Variants in RPRD1B observed in about 807,000 individuals in gnomAD.
RPRD1B encodes regulation of nuclear pre-mRNA domain containing 1B.
A neutral mutation model predicts 41.5 loss-of-function variants in RPRD1B; 11 were observed. The observed-to-expected ratio is 0.27, with a 90% CI of 0.17 to 0.44. The LOEUF is 0.44. RPRD1B is among the 20% of genes least tolerant of loss of function. RPRD1B has a pLI of 1.00. For missense variants in RPRD1B, 248 were observed against 389.9 expected (o/e 0.64, Z 3.06); for synonymous variants, 158 against 155.6 (o/e 1.02, Z -0.12).
intron 2 of RPRD1B, 36 bp from the exon 3 acceptor site, chr20:38,048,312 T>A: frequency 6.3e-7 from 1 of 1,577,302 alleles, no homozygotes; most frequent in South Asian, 1.1e-5. Context: ...CAAAAAATCT[T>A]AAGCTTATAT....
intron 6 of RPRD1B, chr20:38,070,138 ACTTTT>A (rs1341028009): frequency 3.2e-6 from 3 of 929,858 alleles, no homozygotes; most frequent in Non-Finnish European, 3.8e-6. Context: ...CCTTTGTACT[ACTTTT>A]CTTTTTTCCT....
Position 38,040,434 on chromosome 20 carries a change from G to T in RPRD1B, c.152-1G>T. The T allele has an allele frequency of 6.4e-7, 1 of 1,573,784 alleles. No homozygotes were observed. Among genetic ancestry groups the T allele is most frequent in the Non-Finnish European group, 8.6e-7 (1 of 1,166,606 alleles). On this transcript the variant is annotated splice_acceptor_variant, in intron 1 of 6. Transcript: ENST00000373433. LOFTEE classifies it high-confidence loss of function. ...AAATTCTTTTCTTTTCTTTTTTTCA[G>T]CCAAATCAAATAGAAAGCTTACTTT...
intron 6 of RPRD1B, among the ~76,000 whole-genome samples, chr20:38,068,910 T>C (rs2074384842): frequency 6.6e-6 from 1 of 152,226 alleles, no homozygotes; most frequent in African/African-American, 2.4e-5. Flanking sequence ...TTACCCACTT[T>C]TTTAACATTC....
At position 38,040,523 on chromosome 20, in the gene RPRD1B, A is replaced by G; in HGVS notation, c.240A>G (p.Glu80=). The stretch of plus-strand genomic sequence containing the variant: ...GGAAAGGACCTGAATTCACTAGAGA[A>G]TTTGAATCTGTCCTTGTGGATGCTT... ...SKRKGPEFTR[E]FESVLVDAFS... Residue 80 remains glutamate (E), a synonymous_variant, in exon 2 of 7, where the codon GAA becomes GAG. Coordinates refer to ENST00000373433, the MANE Select transcript of RPRD1B (RefSeq NM_021215.4). The G allele has an allele frequency of 6.2e-7, 1 of 1,610,224 alleles. No homozygotes were observed. The highest frequency in any genetic ancestry group is 8.5e-7 in the Non-Finnish European group (1 of 1,178,640).
In RPRD1B at chr20:38,089,781, A is replaced by G. The variant is rs2074596636; in HGVS notation, c.887A>G (p.His296Arg). 2 of 1,614,170 alleles carry G rather than the reference A, an allele frequency of 1.2e-6. No homozygotes were observed. The highest frequency in any genetic ancestry group is 8.5e-7 in the Non-Finnish European group (1 of 1,180,014). ...VTQVRKELKS[H>R]IQSLPDLSLL... ...CAGGTCCGCAAGGAACTGAAATCCC[A>G]TATTCAGAGCTTGCCAGACCTCTCA... Residue 296 changes from histidine to arginine, a missense_variant, in exon 7 of 7, where the codon CAT becomes CGT. Transcript: ENST00000373433.
In RPRD1B at chr20:38,072,708, A is replaced by C. The variant is rs544612385; in HGVS notation, c.831+6452A>C. On this transcript the variant is annotated intron_variant, in intron 6 of 6. Coordinates refer to ENST00000373433, the MANE Select transcript of RPRD1B (RefSeq NM_021215.4). ...GCTGCAGAATTTTAAAAAGCACTCT[A>C]GGAGAGTGTCATTTACTGATGCATT... is the stretch of plus-strand genomic sequence containing the variant. 1.3e-5 allele frequency among the ~76,000 whole-genome samples: 2 copies of C among 152,310 alleles called. 1 individual carries two copies. The highest frequency in any genetic ancestry group is 4.1e-4 in the South Asian group (2 of 4,826).
intron 1 of RPRD1B, among the ~76,000 whole-genome samples, chr20:38,034,746 A>C (rs1260430186): frequency 6.6e-6 from 1 of 152,054 alleles, no homozygotes; most frequent in African/African-American, 2.4e-5. Context: ...CTCCTCTCTC[A>C]TGCAGTTGTC....
In RPRD1B at chr20:38,033,797, C is replaced by G; in HGVS notation, c.-151C>G. ...CGCGGGCGGCTGTTACTGCGGAGAC[C>G]CATCCCCTCCCCCTTCTCGCACCCC... On this transcript the variant is annotated 5_prime_UTR_variant, in exon 1 of 7. Transcript: ENST00000373433. 1.4e-6 allele frequency: 1 copy of G among 727,430 alleles called. No homozygotes were observed. Among genetic ancestry groups the G allele is most frequent in the Non-Finnish European group, 2.2e-6 (1 of 461,186 alleles). The allele number at this position is 727,430 out of a possible 1,614,324, so 45.1% of individuals were successfully genotyped here.
intron 6 of RPRD1B, among the ~76,000 whole-genome samples, chr20:38,075,432 T>C (rs2122754405): frequency 6.6e-6 from 1 of 152,352 alleles, no homozygotes; most frequent in Non-Finnish European, 1.5e-5. Flanking sequence ...AGCACATACT[T>C]CTACTATAAC....
In RPRD1B at chr20:38,070,407, G is replaced by C. The variant is rs965208853; in HGVS notation, c.831+4151G>C. On this transcript the variant is annotated intron_variant, in intron 6 of 6. Transcript: ENST00000373433. ...AAAGAGGAGGTTAGAGAATGTGGAG[G>C]GTATAGAAGAAAGCCCATTCAGAAA... 1.1e-5 allele frequency: 11 copies of C among 985,258 alleles called. No individual in the cohort carries two copies. In the South Asian group the frequency reaches 3.8e-4, roughly 34 times the overall value. The allele number at this position is 985,258 out of a possible 1,614,324, so 61.0% of individuals were successfully genotyped here. A position where few individuals can be genotyped will look rare whatever the true frequency, so the allele number is the denominator to read the frequency against.
At chr20:38,039,708 C>A (rs911942734) in intron 1 of RPRD1B, among the ~76,000 whole-genome samples, 5 of 151,218 alleles carry the variant, frequency 3.3e-5, no homozygotes, top group Non-Finnish European at 5.9e-5. Flanking sequence ...TCGGCGAAAC[C>A]ATTTTAAAAT....
chr20:38,052,048 G>C (rs1409218487), intron 3 of RPRD1B, among the ~76,000 whole-genome samples: 2 of 152,118 alleles, frequency 1.3e-5, no homozygotes, highest in African/African-American at 4.8e-5. Context: ...ACCACACCCG[G>C]CCCCTAGCTG....
intron 6 of RPRD1B, among the ~76,000 whole-genome samples, chr20:38,078,406 C>T (rs946002029): frequency 1.3e-5 from 2 of 152,160 alleles, no homozygotes; most frequent in Admixed American, 6.5e-5. Context: ...CCTGTGTTCA[C>T]CATTTGTATC....
At chr20:38,081,703 C>G (rs750012237) in intron 6 of RPRD1B, among the ~76,000 whole-genome samples, 1 of 152,076 alleles carries the variant, frequency 6.6e-6, no homozygotes, top group Admixed American at 6.6e-5. Context: ...ATAGATGGCT[C>G]TTATTATTTT....
chr20:38,062,155 A>C (rs746521341), intron 5 of RPRD1B, among the ~76,000 whole-genome samples: 16 of 152,100 alleles, frequency 1.1e-4, no homozygotes, highest in Non-Finnish European at 1.6e-4. Flanking sequence ...CAAGCCACTA[A>C]ATTTGTGGTA....
chr20:38,033,938 T>G lies in RPRD1B; in HGVS notation c.-10T>G. The G allele has an allele frequency of 1.2e-6, 2 of 1,604,442 alleles. No homozygotes were observed. Among genetic ancestry groups the G allele is most frequent in the Non-Finnish European group, 1.7e-6 (2 of 1,174,788 alleles). On this transcript the variant is annotated 5_prime_UTR_variant, in exon 1 of 7. Coordinates refer to ENST00000373433, the MANE Select transcript of RPRD1B (RefSeq NM_021215.4). Reference sequence around the variant, plus strand: ...CAGGCCGCTCCCTGCCGGGCCTCACTGCCGCCACCATGTCCTCCTTCTCTG... The same window carrying G: ...CAGGCCGCTCCCTGCCGGGCCTCACGGCCGCCACCATGTCCTCCTTCTCTG...
rs528432289 is a variant in RPRD1B, at chr20:38,052,991, G to A, written c.415+4510G>A. On this transcript the variant is annotated intron_variant, in intron 3 of 6. Transcript: ENST00000373433. Reference sequence around the variant, plus strand: ...TAACGAGGATTACTTAAGGTTAGCTGAGTACAAGGCCTGCTGGAGACACAG... The same window carrying A: ...TAACGAGGATTACTTAAGGTTAGCTAAGTACAAGGCCTGCTGGAGACACAG... Among the ~76,000 whole-genome samples the A allele has an allele frequency of 1.4e-4, 21 of 152,154 alleles. No homozygotes were observed. In the South Asian group the frequency reaches 2.5e-3, roughly 18 times the overall value.
At chr20:38,077,032 C>G (rs1242124512) in intron 6 of RPRD1B, among the ~76,000 whole-genome samples, 1 of 149,464 alleles carries the variant, frequency 6.7e-6, no homozygotes, top group Non-Finnish European at 1.5e-5. Flanking sequence ...ATTCTTCTGC[C>G]TCAGCCTCCT....
chr20:38,038,525 C>A, intron 1 of RPRD1B, among the ~76,000 whole-genome samples: 1 of 106,340 alleles, frequency 9.4e-6, no homozygotes. Flanking sequence ...GAGACAGAGT[C>A]TTGCTCTGTC....
Sources: allele counts gnomAD v4.1 joint callset (sites outside exome capture counted in the v4.1 genomes callset), GRCh38; gene constraint gnomAD v4.1.1; transcripts MANE v1.5; gene names NCBI Gene and HGNC (gene_info 2026-07-23, HGNC 2026-07-21).